Variants in TAF1B observed in about 807,000 individuals in gnomAD.
The protein encoded by TAF1B is TATA box-binding protein-associated factor RNA polymerase I subunit B.
In TAF1B, 61 loss-of-function variants were observed where a neutral mutation model predicts 83.9. The observed-to-expected ratio is 0.73, with a 90% confidence interval of 0.59 to 0.90. The LOEUF is 0.90. Ranked by LOEUF, TAF1B falls within the 40% of genes least tolerant of loss-of-function variation. The pLI is 0.00. For missense variants in TAF1B, 625 were observed against 677.0 expected (o/e 0.92, Z 0.85); for synonymous variants, 221 against 224.6 (o/e 0.98, Z 0.14).
At chr2:9,853,203 A>G (rs922083955) in intron 4 of TAF1B, among the ~76,000 whole-genome samples, 4 of 152,042 alleles carry the variant, frequency 2.6e-5, no homozygotes, top group African/African-American at 9.7e-5. Flanking sequence ...TCTGAAAACA[A>G]TTTTTCTGAA....
chr2:9,846,253 A>G (rs1663204357), intron 2 of TAF1B: 4 of 392,508 alleles, frequency 1.0e-5, no homozygotes, highest in Non-Finnish European at 2.0e-5. Flanking sequence ...AGATTGTCAT[A>G]TTGTCCTGTG....
chr2:9,898,563 A>G (rs562400410), intron 8 of TAF1B, among the ~76,000 whole-genome samples: 1 of 152,332 alleles, frequency 6.6e-6, no homozygotes, highest in South Asian at 2.1e-4. Context: ...TTTAACATAT[A>G]TGAAAACAGT....
chr2:9,925,258 G>T (rs1666000889), intron 14 of TAF1B, among the ~76,000 whole-genome samples: 1 of 152,002 alleles, frequency 6.6e-6, no homozygotes, highest in South Asian at 2.1e-4. Context: ...TGGCCAACAT[G>T]GTGAAACCCC....
chr2:9,866,582 C>G (rs1357956539), intron 5 of TAF1B, among the ~76,000 whole-genome samples: 5 of 152,206 alleles, frequency 3.3e-5, no homozygotes, highest in Non-Finnish European at 5.9e-5. Context: ...CATCCCATTA[C>G]TGGGTATATA....
intron 5 of TAF1B, among the ~76,000 whole-genome samples, chr2:9,862,877 T>C (rs1013351009): frequency 3.9e-5 from 6 of 152,050 alleles, no homozygotes; most frequent in Non-Finnish European, 2.9e-5. Flanking sequence ...TAAAATACTT[T>C]ACAGACAAGC....
chr2:9,866,100 C>G (rs1663965624), intron 5 of TAF1B, among the ~76,000 whole-genome samples: 2 of 150,298 alleles, frequency 1.3e-5, no homozygotes, highest in Admixed American at 1.3e-4. Context: ...TCTAATTAAA[C>G]TAAAGAGCTT....
chr2:9,923,983 TG>T (rs1244780236), intron 14 of TAF1B, among the ~76,000 whole-genome samples: 1 of 151,450 alleles, frequency 6.6e-6, no homozygotes, highest in Non-Finnish European at 1.5e-5. Context: ...GGCAGGAGGG[TG>T]GATTGTGGAT....
rs1168994049 is a variant in TAF1B at position 9,933,834 on chromosome 2, T to C, written c.1617T>C (p.Tyr539=). ...AAGAATCAAATTATTCTCTGAGTTA[T>C]CAGTTTATACTAAATCTCTTCTCCT... The part of the protein sequence containing the change: ...TYEESNYSLS[Y]QFILNLFSFL... Residue 539 remains tyrosine, a synonymous_variant, in exon 15 of 15, where the codon TAT becomes TAC. Transcript: ENST00000263663. 3.1e-6 allele frequency: 5 copies of C among 1,613,884 alleles called. No individual in the cohort carries two copies. The highest frequency in any genetic ancestry group is 4.2e-6 in the Non-Finnish European group (5 of 1,179,880).
chr2:9,887,550 GT>G (rs34131837), intron 8 of TAF1B, among the ~76,000 whole-genome samples: 4 of 151,596 alleles, frequency 2.6e-5, no homozygotes, highest in Admixed American at 6.6e-5. Context: ...GCCACTCCAA[GT>G]TTTTTTTATT....
chr2:9,843,741 T>A, intron 1 of TAF1B, 182 bp downstream of exon 1: 1 of 608,326 alleles, frequency 1.6e-6, no homozygotes. Flanking sequence ...GCGCGCGGCT[T>A]TGGTAAAGAG....
chr2:9,908,124 C>T (rs1225102421), intron 9 of TAF1B, among the ~76,000 whole-genome samples: 1 of 131,888 alleles, frequency 7.6e-6, no homozygotes, highest in Non-Finnish European at 1.5e-5. Flanking sequence ...CCGCTCACTG[C>T]AAGCTCCACC....
In TAF1B at chr2:9,913,159, A is replaced by T; in HGVS notation, c.1181A>T (p.Asp394Val). 6.2e-6 allele frequency: 10 copies of T among 1,600,376 alleles called. No homozygotes were observed. The highest frequency in any genetic ancestry group is 7.7e-6 in the Non-Finnish European group (9 of 1,175,388). The change falls in exon 12 of 15, where the codon GAT (aspartate) becomes GTT (valine). Residue 394 changes from aspartate to valine, a missense_variant and splice_region_variant. Coordinates refer to ENST00000263663, the MANE Select transcript of TAF1B (RefSeq NM_005680.3). Reference sequence around the variant, plus strand: ...TAATCTTGGATTTTATTTCTTTCAGATAAGCCATGGTTTGATTTCAGAAAG... The same window carrying T: ...TAATCTTGGATTTTATTTCTTTCAGTTAAGCCATGGTTTGATTTCAGAAAG... The part of the protein sequence containing the change: ...AEKHNEKNKK[D>V]KPWFDFRKWY...
chr2:9,926,166 A>G (rs1216225995), intron 14 of TAF1B, among the ~76,000 whole-genome samples: 3 of 152,156 alleles, frequency 2.0e-5, no homozygotes, highest in Non-Finnish European at 2.9e-5. Flanking sequence ...CTCAAACATC[A>G]TATTTTTTAA....
chr2:9,913,700 A>C (rs1315383025), intron 12 of TAF1B: 1 of 152,810 alleles, frequency 6.5e-6, no homozygotes, highest in Admixed American at 6.5e-5. Flanking sequence ...GAAAATTAAA[A>C]CAAAGGAAAG....
chr2:9,924,671 C>A (rs1665982892), intron 14 of TAF1B, among the ~76,000 whole-genome samples: 1 of 152,188 alleles, frequency 6.6e-6, no homozygotes, highest in African/African-American at 2.4e-5. Context: ...CGAATATGCT[C>A]TAAGACAACC....
At chr2:9,890,856 C>T (rs1177903809) in intron 8 of TAF1B, among the ~76,000 whole-genome samples, 3 of 152,146 alleles carry the variant, frequency 2.0e-5, no homozygotes, top group Non-Finnish European at 4.4e-5. Flanking sequence ...CCACAACCTC[C>T]ACCTCCCAGG....
chr2:9,911,429 C>A, intron 10 of TAF1B, 82 bp from the exon 11 acceptor site: 1 of 1,135,400 alleles, frequency 8.8e-7, no homozygotes, highest in Non-Finnish European at 1.2e-6. Flanking sequence ...CTGTTCTACA[C>A]TTTTCTCTCA....
chr2:9,919,812 C>G lies in TAF1B; in HGVS notation c.1557C>G (p.Phe519Leu), dbSNP rs1259746730. ...NSLYWLSTQK[F>L]CRCYCTHVTT... is the part of the protein sequence containing the mutation. ...TATATTGGCTTAGTACACAGAAATT[C>G]TGCAGATGGTAATAATGCTTTTAGA... The change falls in exon 14 of 15, where the codon TTC becomes TTG. Residue 519 changes from phenylalanine to leucine, a missense_variant. Coordinates refer to ENST00000263663, the MANE Select transcript of TAF1B (RefSeq NM_005680.3). 1 of 1,613,310 alleles carries G rather than the reference C, an allele frequency of 6.2e-7. No individual in the cohort carries two copies. The highest frequency in any genetic ancestry group is 1.3e-5 in the African/African-American group (1 of 74,892).
chr2:9,869,871 C>CAA (rs928707870), intron 6 of TAF1B, among the ~76,000 whole-genome samples: 1 of 142,766 alleles, frequency 7.0e-6, no homozygotes, highest in Non-Finnish European at 1.5e-5. Flanking sequence ...GACTCCATCT[C>CAA]AAAAAAAAAA....
Sources: gnomAD v4.1 joint callset for allele counts (sites outside exome capture counted in the v4.1 genomes callset) on GRCh38, gnomAD v4.1.1 for gene constraint, MANE v1.5 for transcripts, NCBI Gene and HGNC (gene_info 2026-07-23, HGNC 2026-07-21) for gene names.